SCGB2B2: variants seen among roughly 807,000 people sequenced by gnomAD.
SCGB2B2 encodes the protein secretoglobin-like protein.
Under a neutral mutation model 7.6 loss-of-function variants are expected in SCGB2B2, and 11 were observed. That is an observed-to-expected ratio of 1.45 (90% CI 0.91 to 2.40). The LOEUF (loss-of-function observed/expected upper bound fraction) is 2.40, where lower values mean the gene tolerates loss of function less well. Ranked by LOEUF, SCGB2B2 falls within the 30% of genes most tolerant of loss-of-function variation. SCGB2B2 has a pLI of 0.00. For missense variants in SCGB2B2, 104 were observed against 115.4 expected, an observed-to-expected ratio of 0.90 and a Z score of 0.45; for synonymous variants, 50 against 48.6, an observed-to-expected ratio of 1.03 and a Z score of -0.12.
chr19:34,667,884 G>A (rs1325701492), intron 1 of SCGB2B2, among the ~76,000 whole-genome samples: 1 of 152,154 alleles, frequency 6.6e-6, no homozygotes, highest in East Asian at 1.9e-4. Context: ...AGCTCGGTGA[G>A]TGGCCAGGCC....
At chr19:34,668,195 G>C (rs544091100) in intron 1 of SCGB2B2, among the ~76,000 whole-genome samples, 7 of 152,316 alleles carry the variant, frequency 4.6e-5, no homozygotes, top group Non-Finnish European at 8.8e-5. Context: ...GGTCTGGAGG[G>C]AGAGGCGCGA....
chr19:34,620,858 A>C (rs1333273938), intron 1 of SCGB2B2, among the ~76,000 whole-genome samples: 2 of 152,196 alleles, frequency 1.3e-5, no homozygotes, highest in Admixed American at 1.3e-4. Flanking sequence ...GAAATCAGTA[A>C]TTATGAGAAT....
At chr19:34,672,538 G>A (rs957149577) in intron 1 of SCGB2B2, among the ~76,000 whole-genome samples, 9 of 152,304 alleles carry the variant, frequency 5.9e-5, no homozygotes, top group Middle Eastern at 3.4e-3. Flanking sequence ...TGTAGCTCTA[G>A]TCTTATCTGT....
intron 1 of SCGB2B2, among the ~76,000 whole-genome samples, chr19:34,621,514 C>T (rs562408558): frequency 5.8e-4 from 87 of 149,244 alleles, no homozygotes; most frequent in African/African-American, 2.1e-3. Context: ...CATGCACTGA[C>T]TGGCAAGACA....
intron 1 of SCGB2B2, chr19:34,645,925 T>C (rs114877972): frequency 0.015 from 3,870 of 263,446 alleles, 134 homozygotes; most frequent in African/African-American, 0.084. Flanking sequence ...TTTGGGAGAG[T>C]TGCTTTTGCA....
intron 1 of SCGB2B2, among the ~76,000 whole-genome samples, chr19:34,640,252 C>T (rs1322291361): frequency 3.9e-5 from 6 of 152,072 alleles, no homozygotes; most frequent in African/African-American, 1.4e-4. Flanking sequence ...CAGGTGTGCA[C>T]CAGACCTGGC....
At chr19:34,638,937 C>T (rs1483726426) in intron 1 of SCGB2B2, among the ~76,000 whole-genome samples, 2 of 152,328 alleles carry the variant, frequency 1.3e-5, no homozygotes, top group Admixed American at 6.5e-5. Context: ...CTTAGATCTA[C>T]ATCACACAAT....
intron 1 of SCGB2B2, among the ~76,000 whole-genome samples, chr19:34,602,737 T>C (rs1206592898): frequency 6.6e-6 from 1 of 152,226 alleles, no homozygotes; most frequent in African/African-American, 2.4e-5. Flanking sequence ...CAGTTCATTG[T>C]AGTAATAGCT....
chr19:34,636,378 G>T (rs983846219), intron 1 of SCGB2B2, among the ~76,000 whole-genome samples: 20 of 152,168 alleles, frequency 1.3e-4, no homozygotes, highest in African/African-American at 4.8e-4. Flanking sequence ...AGGGCACAGC[G>T]ATGGGATGCA....
chr19:34,614,886 A>G (rs564134706), intron 1 of SCGB2B2, among the ~76,000 whole-genome samples: 50 of 152,220 alleles, frequency 3.3e-4, no homozygotes, highest in Non-Finnish European at 5.9e-4. Flanking sequence ...AATGTTATCA[A>G]TAACTATGAG....
chr19:34,658,487 A>G (rs1056176260), intron 1 of SCGB2B2, among the ~76,000 whole-genome samples: 2 of 152,208 alleles, frequency 1.3e-5, no homozygotes, highest in African/African-American at 4.8e-5. Context: ...ACACAAATAA[A>G]CTAGTAAATC....
At chr19:34,601,951 G>T (rs958275496) in intron 1 of SCGB2B2, among the ~76,000 whole-genome samples, 1 of 151,940 alleles carries the variant, frequency 6.6e-6, no homozygotes, top group African/African-American at 2.4e-5. Context: ...TTTAAATTTT[G>T]GCACAGTTTC....
chr19:34,596,453 TTG>T lies in SCGB2B2; in HGVS notation c.-1892_-1891del. 1 of 152,712 alleles carries T rather than the reference TTG, an allele frequency of 6.5e-6. No homozygotes were observed. The highest frequency in any genetic ancestry group is 1.5e-5 in the Non-Finnish European group (1 of 68,210). The allele number at this position is 152,712 out of a possible 1,614,324, so 9.5% of individuals were successfully genotyped here. On this transcript the variant is annotated 5_prime_UTR_variant, in exon 2 of 4. An upstream open reading frame in the 5' UTR loses its in-frame stop. Coordinates refer to ENST00000601241, the MANE Select transcript of SCGB2B2 (RefSeq NM_001025591.4). Reference sequence around the variant, plus strand: ...GGTGCACGTGTGTGAGAATGGGATTTTGTGTGTGTGTGAGTGGAATGCGCTGG... The same window carrying T: ...GGTGCACGTGTGTGAGAATGGGATTTTGTGTGTGTGAGTGGAATGCGCTGG...
At chr19:34,636,045 G>A (rs553138809) in intron 1 of SCGB2B2, among the ~76,000 whole-genome samples, 1 of 152,344 alleles carries the variant, frequency 6.6e-6, no homozygotes, top group Admixed American at 6.5e-5. Context: ...GAGGCTTTCT[G>A]GGCAGCTGGA....
At position 34,593,612 on chromosome 19, in the gene SCGB2B2, GAAGA is replaced by G. The variant is rs752165982; in HGVS notation, c.247-17_247-14del. The G allele has an allele frequency of 1.3e-5, 20 of 1,551,092 alleles. No homozygotes were observed. The highest frequency in any genetic ancestry group is 1.2e-4 in the South Asian group (10 of 84,060). On this transcript the variant is annotated splice_polypyrimidine_tract_variant and intron_variant, in intron 3 of 3. Transcript: ENST00000601241. ...GAAGGATCTTCTTCTGTTGGAAAAA[GAAGA>G]AAGAGAGGAGCCGGTGGCCTCTGTG...
chr19:34,641,174 A>G lies in SCGB2B2; in HGVS notation c.-2032+34456T>C, dbSNP rs1247358497. On this transcript the variant is annotated intron_variant, in intron 1 of 3. Transcript: ENST00000601241. The stretch of plus-strand genomic sequence containing the variant: ...TTTGGTTTTGACTGGTTTTGTTCAT[A>G]GGGCCTCCTGTGAAGGAGTACACTT... Among the ~76,000 whole-genome samples the G allele has an allele frequency of 2.0e-5, 3 of 151,874 alleles. No individual in the cohort carries two copies. The East Asian group carries it at 5.8e-4, about 29-fold the overall frequency.
chr19:34,650,127 CGA>C (rs979264156), intron 1 of SCGB2B2, among the ~76,000 whole-genome samples: 2 of 151,242 alleles, frequency 1.3e-5, no homozygotes, highest in Non-Finnish European at 2.9e-5. Flanking sequence ...GAAAATCTAG[CGA>C]GAGAGGGACT....
At chr19:34,615,541 T>G (rs1460227859) in intron 1 of SCGB2B2, among the ~76,000 whole-genome samples, 1 of 151,984 alleles carries the variant, frequency 6.6e-6, no homozygotes, top group African/African-American at 2.4e-5. Context: ...CCTTCAAGTA[T>G]GTAGTTGTTT....
chr19:34,637,815 C>T (rs1009295725), intron 1 of SCGB2B2: 5 of 152,130 alleles, frequency 3.3e-5, no homozygotes, highest in African/African-American at 1.2e-4. Flanking sequence ...ATACACCACC[C>T]GATGGGCTAT....
Sources: allele counts gnomAD v4.1 joint callset (sites outside exome capture counted in the v4.1 genomes callset), GRCh38; gene constraint gnomAD v4.1.1; transcripts MANE v1.5; gene names NCBI Gene and HGNC (gene_info 2026-07-23, HGNC 2026-07-21).